RBM25: variants seen among roughly 807,000 people sequenced by gnomAD.
RBM25 encodes RNA-binding protein 25.
Under a neutral mutation model 120.7 loss-of-function variants are expected in RBM25, and 19 were observed. The observed-to-expected ratio is 0.16, with a 90% CI of 0.11 to 0.23. The LOEUF is 0.23. Among genes scored for constraint, RBM25 ranks in the 10% least tolerant of loss-of-function variants. The pLI is 1.00. For missense variants in RBM25, 605 were observed against 1,041.5 expected, an observed-to-expected ratio of 0.58 and a Z score of 5.77; for synonymous variants, 390 against 326.7, an observed-to-expected ratio of 1.19 and a Z score of -2.09.
chr14:73,070,693 A>C (rs1258212022), intron 1 of RBM25, among the ~76,000 whole-genome samples: 1 of 152,134 alleles, frequency 6.6e-6, no homozygotes, highest in African/African-American at 2.4e-5. Context: ...TCAGGCCTGT[A>C]ATCCTAGCGC....
At chr14:73,087,881 A>G (rs1187032134) in intron 5 of RBM25, 120 bp from the exon 6 acceptor site, 1 of 923,924 alleles carries the variant, frequency 1.1e-6, no homozygotes, top group African/African-American at 1.7e-5. Context: ...CAGGGGTGGA[A>G]TTATGAATTG....
intron 6 of RBM25, among the ~76,000 whole-genome samples, chr14:73,092,058 A>G (rs1031102497): frequency 3.9e-5 from 6 of 152,108 alleles, no homozygotes; most frequent in Admixed American, 3.3e-4. Context: ...AACATGGCAT[A>G]TTTTCCTTAA....
At chr14:73,084,817 T>G (rs1256899329) in intron 5 of RBM25, among the ~76,000 whole-genome samples, 1 of 151,290 alleles carries the variant, frequency 6.6e-6, no homozygotes, top group Non-Finnish European at 1.5e-5. Context: ...CCCAAAGTAC[T>G]GAGATTATAG....
chr14:73,107,826 G>A lies in RBM25; in HGVS notation c.1468G>A (p.Ala490Thr), dbSNP rs866956289. ...EREEERRREM[A>T]KEAKRLKEFL... Reference sequence around the variant, plus strand: ...ATACATTGTCCTTATTTCCTCAAAGGCCAAAGAAGCTAAACGACTAAAAGA... The same window carrying A: ...ATACATTGTCCTTATTTCCTCAAAGACCAAAGAAGCTAAACGACTAAAAGA... The change falls in exon 13 of 19, where the codon GCC becomes ACC. Residue 490 changes from alanine to threonine, a missense_variant and splice_region_variant. Ala to Thr is a moderately conservative substitution (Grantham distance 58, BLOSUM62 0). This residue lies in a region of RBM25 where 465 missense variants were observed against 741.6 expected (regional missense o/e 0.63). Transcript: ENST00000261973. 1.9e-5 allele frequency: 30 copies of A among 1,586,612 alleles called. No individual in the cohort carries two copies. The highest frequency in any genetic ancestry group is 1.7e-4 in the Middle Eastern group (1 of 6,008).
At chr14:73,068,812 G>A (rs1334890950) in intron 1 of RBM25, among the ~76,000 whole-genome samples, 1 of 152,078 alleles carries the variant, frequency 6.6e-6, no homozygotes, top group African/African-American at 2.4e-5. Flanking sequence ...TTGACCTTGT[G>A]ATCCACCCAC....
intron 2 of RBM25, among the ~76,000 whole-genome samples, chr14:73,072,173 T>C (rs1566583339): frequency 6.6e-6 from 1 of 152,154 alleles, no homozygotes; most frequent in Non-Finnish European, 1.5e-5. Flanking sequence ...GGTTTTGCTA[T>C]GTTGGCCAGG....
Position 73,099,717 on chromosome 14 carries a change from T to C in RBM25, c.834T>C (p.Ser278=). 6.2e-7 allele frequency: 1 copy of C among 1,609,664 alleles called. No homozygotes were observed. Among genetic ancestry groups the C allele is most frequent in the Non-Finnish European group, 8.5e-7 (1 of 1,178,984 alleles). Residue 278 remains serine (S), a synonymous_variant, in exon 9 of 19, where the codon TCT becomes TCC. Transcript: ENST00000261973. ...AAGAAGACAAAAGAGACCTGATATC[T>C]CGAGAGATCAGCAAATTCAGAGACA... The part of the protein sequence containing the change: ...EMEEDKRDLI[S]REISKFRDTH...
In RBM25 at chr14:73,090,560, C is replaced by T. The variant is rs967303163; in HGVS notation, c.543+2399C>T. Among the ~76,000 whole-genome samples the T allele has an allele frequency of 3.9e-5, 6 of 152,196 alleles. No homozygotes were observed. The South Asian group carries it at 6.2e-4, about 16-fold the overall frequency. On this transcript the variant is annotated intron_variant, in intron 6 of 18. Coordinates refer to ENST00000261973, the MANE Select transcript of RBM25 (RefSeq NM_021239.3). ...TAACATGTCCCTTGATTCATACAGA[C>T]TTTATCAGCCTGCCCTTAGTTTCTG...
Position 73,099,150 on chromosome 14 carries a change from A to G in RBM25, c.730-230A>G, listed in dbSNP as rs1057383297. ...CCCTGCTACTATGAGAGCACCTTCTATATTTCCATTTCTTGGGGGTGTTGG... is the reference window on the plus strand; with the variant it reads ...CCCTGCTACTATGAGAGCACCTTCTGTATTTCCATTTCTTGGGGGTGTTGG... On this transcript the variant is annotated intron_variant, in intron 7 of 18. Transcript: ENST00000261973. 1.4e-4 allele frequency among the ~76,000 whole-genome samples: 21 copies of G among 152,160 alleles called. No individual in the cohort carries two copies. The South Asian group carries it at 1.5e-3, about 11-fold the overall frequency.
chr14:73,107,580 A>T, intron 12 of RBM25: 1 of 370,106 alleles, frequency 2.7e-6, no homozygotes, highest in Non-Finnish European at 4.8e-6. Context: ...AGTTTATTTA[A>T]ACCAAATAGC....
intron 4 of RBM25, among the ~76,000 whole-genome samples, chr14:73,078,218 C>T (rs896077990): frequency 2.0e-5 from 3 of 152,036 alleles, no homozygotes; most frequent in African/African-American, 7.2e-5. Flanking sequence ...CAGGAGAATC[C>T]CTTGAACCCG....
At chr14:73,074,229 A>T (rs1270352419) in intron 2 of RBM25, among the ~76,000 whole-genome samples, 1 of 152,052 alleles carries the variant, frequency 6.6e-6, no homozygotes, top group Non-Finnish European at 1.5e-5. Context: ...TAATTTATTA[A>T]TTTTTTTGAG....
intron 9 of RBM25, chr14:73,100,498 C>G (rs1235935546): frequency 6.2e-6 from 3 of 486,762 alleles, no homozygotes; most frequent in East Asian, 3.1e-5. Context: ...TGAAGCTTCT[C>G]TCAATGACAG....
chr14:73,070,768 GA>G (rs1413044648), intron 1 of RBM25, among the ~76,000 whole-genome samples: 1 of 152,178 alleles, frequency 6.6e-6, no homozygotes, highest in East Asian at 1.9e-4. Context: ...CCAACATGGT[GA>G]AACCCCGTCT....
intron 4 of RBM25, among the ~76,000 whole-genome samples, chr14:73,081,113 C>T (rs1204015730): frequency 6.6e-6 from 1 of 151,798 alleles, no homozygotes; most frequent in South Asian, 2.1e-4. Flanking sequence ...GCGTGAGCCA[C>T]TGCCTAGTCC....
At chr14:73,118,863 G>C (rs1177542302) in intron 18 of RBM25, among the ~76,000 whole-genome samples, 2 of 152,076 alleles carry the variant, frequency 1.3e-5, no homozygotes, top group Admixed American at 6.6e-5. Context: ...CCGCCTCCCA[G>C]GTTCAAGCGA....
chr14:73,105,739 G>A (rs1251220463), intron 10 of RBM25, 120 bp from the exon 11 acceptor site: 7 of 1,440,336 alleles, frequency 4.9e-6, no homozygotes, highest in Non-Finnish European at 5.6e-6. Context: ...TGGAAATCAA[G>A]TGCTAGATTC....
chr14:73,103,086 A>C, intron 9 of RBM25, 106 bp from the exon 10 acceptor site: 2 of 1,519,130 alleles, frequency 1.3e-6, no homozygotes, highest in South Asian at 2.7e-5. Context: ...ATATTAATGT[A>C]TCAGTGGTTT....
At chr14:73,092,386 A>G (rs1011886822) in intron 6 of RBM25, among the ~76,000 whole-genome samples, 6 of 152,048 alleles carry the variant, frequency 3.9e-5, no homozygotes, top group Non-Finnish European at 5.9e-5. Context: ...AGAAATTTAG[A>G]AAGCTGTTAA....
Sources: gnomAD v4.1 joint callset for allele counts (sites outside exome capture counted in the v4.1 genomes callset) on GRCh38, gnomAD v4.1.1 for gene constraint, gnomAD v4.1.1 regional missense constraint, MANE v1.5 for transcripts, NCBI Gene and HGNC (gene_info 2026-07-23, HGNC 2026-07-21) for gene names.